Variants in BMP6 observed in about 807,000 individuals in gnomAD.
BMP6 encodes the protein bone morphogenetic protein 6.
Under a neutral mutation model 54.1 loss-of-function variants are expected in BMP6, and 17 were observed. That is an observed-to-expected ratio of 0.31 (90% confidence interval 0.22 to 0.47). The LOEUF is 0.47. Among genes scored for constraint, BMP6 ranks in the 20% least tolerant of loss-of-function variants. The pLI is 1.00. For missense variants in BMP6, 720 were observed against 690.4 expected (o/e 1.04, Z -0.48); for synonymous variants, 328 against 291.2 (o/e 1.13, Z -1.28).
At chr6:7,800,088 G>A (rs1758247925) in intron 1 of BMP6, among the ~76,000 whole-genome samples, 4 of 114,172 alleles carry the variant, frequency 3.5e-5, no homozygotes, top group Admixed American at 2.0e-4. Context: ...GGGTGTGTGT[G>A]TGTGTGTGTG....
intron 2 of BMP6, among the ~76,000 whole-genome samples, chr6:7,859,684 C>T (rs1759305060): frequency 6.6e-6 from 1 of 152,060 alleles, no homozygotes; most frequent in Admixed American, 6.6e-5. Context: ...CCCGCACCCC[C>T]CGCAATCTCC....
intron 2 of BMP6, among the ~76,000 whole-genome samples, chr6:7,848,686 C>T (rs2113259047): frequency 6.6e-6 from 1 of 152,262 alleles, no homozygotes; most frequent in South Asian, 2.1e-4. Context: ...GGGCAGTGGG[C>T]AAGAAGAACC....
Position 7,880,455 on chromosome 6 carries a change from T to C in BMP6, c.*112T>C. 1 of 1,413,104 alleles carries C rather than the reference T, an allele frequency of 7.1e-7. No individual in the cohort carries two copies. Among genetic ancestry groups the C allele is most frequent in the Non-Finnish European group, 9.7e-7 (1 of 1,027,168 alleles). 87.5% of individuals were successfully genotyped at this position (1,413,104 alleles called of 1,614,324 possible). The stretch of plus-strand genomic sequence containing the variant: ...GTGGGACGATGAGACTTTGAAACTA[T>C]CTCATGCCAGTGCCTTATTACCCAG... On this transcript the variant is annotated 3_prime_UTR_variant, in exon 7 of 7. Transcript: ENST00000283147.
At chr6:7,806,083 C>T (rs894019072) in intron 1 of BMP6, among the ~76,000 whole-genome samples, 1 of 152,172 alleles carries the variant, frequency 6.6e-6, no homozygotes, top group African/African-American at 2.4e-5. Flanking sequence ...AGATTAACAT[C>T]GAACATATTT....
At chr6:7,746,137 G>C (rs1482982089) in intron 1 of BMP6, among the ~76,000 whole-genome samples, 1 of 152,052 alleles carries the variant, frequency 6.6e-6, no homozygotes, top group African/African-American at 2.4e-5. Context: ...GTGTTGATTC[G>C]ATGGTGCTGC....
Position 7,727,480 on chromosome 6 carries a change from C to T in BMP6, c.525C>T (p.Pro175=), listed in dbSNP as rs1418497685. 1 of 1,594,412 alleles carries T rather than the reference C, an allele frequency of 6.3e-7. No individual in the cohort carries two copies. Among genetic ancestry groups the T allele is most frequent in the Non-Finnish European group, 8.5e-7 (1 of 1,175,270 alleles). The change falls in exon 1 of 7, where the codon CCC becomes CCT. Residue 175 remains proline, a synonymous_variant. Transcript: ENST00000283147. ...GCTCGTCCCAGCGTCGGCAGCCGCC[C>T]CCGGGCGCCGCGCACCCGCTCAACC... The part of the protein sequence containing the change: ...AASSSQRRQP[P]PGAAHPLNRK...
intron 1 of BMP6, among the ~76,000 whole-genome samples, chr6:7,838,551 A>G (rs920605524): frequency 1.8e-4 from 28 of 152,174 alleles, no homozygotes; most frequent in African/African-American, 5.8e-4. Flanking sequence ...ATTTAATCTT[A>G]ATAGTACCGA....
chr6:7,757,942 C>A (rs114891050), intron 1 of BMP6, among the ~76,000 whole-genome samples: 1,809 of 152,284 alleles, frequency 0.012, 33 homozygotes, highest in African/African-American at 0.029. Flanking sequence ...CACTCTCTCA[C>A]CCTGCTAAAA....
intron 1 of BMP6, among the ~76,000 whole-genome samples, chr6:7,793,669 C>T (rs115580297): frequency 6.6e-6 from 1 of 152,304 alleles, no homozygotes; most frequent in African/African-American, 2.4e-5. Flanking sequence ...CTCAGCATAG[C>T]TGTAAACCCA....
intron 2 of BMP6, among the ~76,000 whole-genome samples, chr6:7,846,404 A>G (rs1055115530): frequency 6.6e-6 from 1 of 152,214 alleles, no homozygotes; most frequent in Non-Finnish European, 1.5e-5. Flanking sequence ...TGTCACAAAT[A>G]CACACACCTG....
rs1024258716 is a variant in BMP6 at position 7,881,173 on chromosome 6, C to T, written c.*830C>T. On this transcript the variant is annotated 3_prime_UTR_variant, in exon 7 of 7. Coordinates refer to ENST00000283147, the MANE Select transcript of BMP6 (RefSeq NM_001718.6). ...CCTTTTCAGTAAAGTGGTTCTCTGC[C>T]TTTTTACTATACAGCATACCACGCC... 2.6e-5 allele frequency: 4 copies of T among 152,436 alleles called. No homozygotes were observed. Among genetic ancestry groups the T allele is most frequent in the African/African-American group, 9.7e-5 (4 of 41,412 alleles). The allele number at this position is 152,436 out of a possible 1,614,324, so 9.4% of individuals were successfully genotyped here.
intron 5 of BMP6, among the ~76,000 whole-genome samples, 179 bp downstream of exon 5, chr6:7,879,329 A>C (rs1021204201): frequency 6.6e-6 from 1 of 152,178 alleles, no homozygotes; most frequent in Non-Finnish European, 1.5e-5. Context: ...GAGGAAGCTT[A>C]GTCTGTGGGG....
intron 4 of BMP6, among the ~76,000 whole-genome samples, chr6:7,877,707 T>A (rs1759644008): frequency 6.6e-6 from 1 of 152,022 alleles, no homozygotes; most frequent in African/African-American, 2.4e-5. Flanking sequence ...AGTTAGAAAA[T>A]CAAGTTCAAA....
chr6:7,768,869 A>T lies in BMP6; in HGVS notation c.664+41250A>T, dbSNP rs1383540576. Among the ~76,000 whole-genome samples the T allele has an allele frequency of 2.6e-5, 4 of 152,258 alleles. No homozygotes were observed. The East Asian group carries it at 5.8e-4, about 22-fold the overall frequency. On this transcript the variant is annotated intron_variant, in intron 1 of 6. Transcript: ENST00000283147. ...GTTGTACTCATCACAGCTTGCCATGATCTGTCATATATTATAGTTACGTGT... is the reference window on the plus strand; with the variant it reads ...GTTGTACTCATCACAGCTTGCCATGTTCTGTCATATATTATAGTTACGTGT...
chr6:7,761,890 T>C (rs114824808), intron 1 of BMP6, among the ~76,000 whole-genome samples: 1,773 of 152,274 alleles, frequency 0.012, 41 homozygotes, highest in African/African-American at 0.04. Flanking sequence ...CTTACTCCCC[T>C]TGGATTTCTT....
rs1474317918 is a variant in BMP6 at position 7,727,184 on chromosome 6, C to T, written c.229C>T (p.Arg77Trp). 11 of 1,600,930 alleles carry T rather than the reference C, an allele frequency of 6.9e-6. No individual in the cohort carries two copies. In the East Asian group the frequency reaches 1.1e-4, roughly 16 times the overall value. The change falls in exon 1 of 7, where the codon CGG becomes TGG. Residue 77 changes from arginine (R) to tryptophan (W), a missense_variant. Arg to Trp is a moderately radical substitution (Grantham distance 101). Coordinates refer to ENST00000283147, the MANE Select transcript of BMP6 (RefSeq NM_001718.6). The part of the protein sequence containing the change: ...LYRRLKTQEK[R>W]EMQKEILSVL... The stretch of plus-strand genomic sequence containing the variant: ...CCGGCGGCTCAAGACGCAGGAGAAG[C>T]GGGAGATGCAGAAGGAGATCTTGTC...
In BMP6 at chr6:7,779,334, T is replaced by A. The variant is rs180824167; in HGVS notation, c.664+51715T>A. ...TTTTAATTTGTAAACTTATTTATTT[T>A]TTTTTTTAAATTTCTTGAGATGGAG... On this transcript the variant is annotated intron_variant, in intron 1 of 6. Transcript: ENST00000283147. 5.4e-3 allele frequency among the ~76,000 whole-genome samples: 824 copies of A among 151,988 alleles called. 6 individuals carry two copies. The highest frequency in any genetic ancestry group is 0.016 in the African/African-American group (670 of 41,356).
intron 4 of BMP6, among the ~76,000 whole-genome samples, chr6:7,864,458 G>A (rs387786): frequency 0.32 from 49,097 of 152,018 alleles, 8,597 homozygotes; most frequent in East Asian, 0.6. Flanking sequence ...AGGTTCTCAG[G>A]GCATATGTTG....
chr6:7,771,562 T>G (rs1296704857), intron 1 of BMP6, among the ~76,000 whole-genome samples: 1 of 152,184 alleles, frequency 6.6e-6, no homozygotes, highest in Non-Finnish European at 1.5e-5. Flanking sequence ...ATCCAGTAAG[T>G]GCGTGGTGGA....
Sources: allele counts gnomAD v4.1 joint callset (sites outside exome capture counted in the v4.1 genomes callset), GRCh38; gene constraint gnomAD v4.1.1; transcripts MANE v1.5; gene names NCBI Gene and HGNC (gene_info 2026-07-23, HGNC 2026-07-21).